The following KATNAL2 variants were observed in gnomAD, a reference collection of about 807,000 sequenced individuals.
KATNAL2 encodes the protein katanin catalytic subunit A1 like 2, also known as katanin p60 ATPase-containing subunit A-like 2.
Under a neutral mutation model 76.3 loss-of-function variants are expected in KATNAL2, and 52 were observed. The observed-to-expected ratio is 0.68, with a 90% CI of 0.55 to 0.86. KATNAL2 has a LOEUF of 0.86. Ranked by LOEUF, KATNAL2 falls within the 40% of genes least tolerant of loss-of-function variation. The pLI is 0.00. For missense variants in KATNAL2, 660 were observed against 668.9 expected (o/e 0.99, Z 0.15); for synonymous variants, 243 against 244.2 (o/e 1.00, Z 0.05).
chr18:46,924,663 T>A (rs2058673832), intron 1 of KATNAL2, among the ~76,000 whole-genome samples: 1 of 152,230 alleles, frequency 6.6e-6, no homozygotes, highest in Admixed American at 6.5e-5. Context: ...TAAATTACTT[T>A]GGGCAGTATG....
At chr18:47,037,009 A>C (rs1009711124) in intron 3 of KATNAL2, among the ~76,000 whole-genome samples, 1 of 152,254 alleles carries the variant, frequency 6.6e-6, no homozygotes, top group Non-Finnish European at 1.5e-5. Context: ...TATTAGATGC[A>C]GGGACTGTAA....
intron 13 of KATNAL2, among the ~76,000 whole-genome samples, chr18:47,073,075 T>C (rs1300378078): frequency 1.3e-5 from 2 of 152,154 alleles, no homozygotes; most frequent in Admixed American, 6.5e-5. Context: ...ACATCACCGA[T>C]TGCCAGATTA....
chr18:46,945,663 T>C (rs2059365889), intron 1 of KATNAL2, among the ~76,000 whole-genome samples: 1 of 152,248 alleles, frequency 6.6e-6, no homozygotes, highest in African/African-American at 2.4e-5. Flanking sequence ...TTTGGGCCTG[T>C]TTGCATAACT....
At chr18:46,925,223 A>G (rs1399905310) in intron 1 of KATNAL2, among the ~76,000 whole-genome samples, 2 of 152,178 alleles carry the variant, frequency 1.3e-5, no homozygotes, top group Non-Finnish European at 2.9e-5. Flanking sequence ...TGGGTTTCTC[A>G]TAGATAGCTC....
Position 47,046,932 on chromosome 18 carries a change from C to T in KATNAL2, c.122+405C>T, listed in dbSNP as rs544559054. Among the ~76,000 whole-genome samples the T allele has an allele frequency of 5.9e-5, 9 of 152,276 alleles. No homozygotes were observed. The South Asian group carries it at 1.7e-3, about 28-fold the overall frequency. Reference sequence around the variant, plus strand: ...CGATTCCTCCTCCTGCCCCAACAACCCAGACATACACTTTTTTTTTCTTTT... The same window carrying T: ...CGATTCCTCCTCCTGCCCCAACAACTCAGACATACACTTTTTTTTTCTTTT... On this transcript the variant is annotated intron_variant, in intron 4 of 17. Transcript: ENST00000683218.
chr18:47,035,488 TC>T, intron 3 of KATNAL2: 2 of 930,598 alleles, frequency 2.1e-6, no homozygotes, highest in Non-Finnish European at 3.2e-6. Context: ...CTTTTGTTCC[TC>T]GGGATGTGGA....
chr18:46,936,047 G>A (rs1214039009), intron 1 of KATNAL2, among the ~76,000 whole-genome samples: 2 of 152,158 alleles, frequency 1.3e-5, no homozygotes, highest in Non-Finnish European at 2.9e-5. Context: ...TTTCAAGTTT[G>A]TATGCACCTA....
chr18:47,031,381 T>A (rs145821453), intron 3 of KATNAL2, among the ~76,000 whole-genome samples: 12 of 152,270 alleles, frequency 7.9e-5, no homozygotes, highest in Non-Finnish European at 2.9e-5. Flanking sequence ...TTCGCGTAAT[T>A]TTTAATTTCT....
intron 2 of KATNAL2, 61 bp from the exon 3 acceptor site, chr18:46,946,793 C>G: frequency 7.1e-7 from 1 of 1,406,306 alleles, no homozygotes; most frequent in South Asian, 1.2e-5. Context: ...GCTGGTTAAG[C>G]GTCAGGTTCC....
At chr18:47,057,361 A>G (rs961150878) in intron 6 of KATNAL2, among the ~76,000 whole-genome samples, 1 of 152,218 alleles carries the variant, frequency 6.6e-6, no homozygotes, top group African/African-American at 2.4e-5. Flanking sequence ...TTCTACAGAA[A>G]AATATGGATA....
chr18:46,951,079 C>T (rs1194474300), intron 3 of KATNAL2, among the ~76,000 whole-genome samples: 1 of 152,138 alleles, frequency 6.6e-6, no homozygotes, highest in African/African-American at 2.4e-5. Context: ...TTCTCCCTGT[C>T]CCTGGCCTCC....
At chr18:47,094,019 A>G (rs1323684719) in intron 15 of KATNAL2, among the ~76,000 whole-genome samples, 3 of 152,174 alleles carry the variant, frequency 2.0e-5, no homozygotes. Context: ...TCCCCAATGC[A>G]ACAGTGTCGG....
chr18:46,941,048 T>A (rs2059232168), intron 1 of KATNAL2, among the ~76,000 whole-genome samples: 1 of 151,918 alleles, frequency 6.6e-6, no homozygotes, highest in Non-Finnish European at 1.5e-5. Flanking sequence ...CAAAAAAACT[T>A]ATGATTAAAA....
intron 15 of KATNAL2, among the ~76,000 whole-genome samples, chr18:47,091,798 G>T (rs2147368400): frequency 6.6e-6 from 1 of 152,292 alleles, no homozygotes; most frequent in East Asian, 1.9e-4. Flanking sequence ...AAGTCACTCT[G>T]GATGGGACAG....
chr18:46,943,870 C>G (rs1268807264), intron 1 of KATNAL2, among the ~76,000 whole-genome samples: 2 of 152,250 alleles, frequency 1.3e-5, no homozygotes, highest in Non-Finnish European at 2.9e-5. Flanking sequence ...CTAACATGCT[C>G]TATTTTTGTT....
rs1423369954 is a variant in KATNAL2 at position 47,056,165 on chromosome 18, C to T, written c.332+1727C>T. ...GAAATGGGATCCCAAAAGATCTTGG[C>T]AATTCCAGAGATGGGTTCAAAGTAA... On this transcript the variant is annotated intron_variant, in intron 6 of 17. Coordinates refer to ENST00000683218, the MANE Select transcript of KATNAL2 (RefSeq NM_001387690.1). Among the ~76,000 whole-genome samples, 2 of 152,126 alleles carry T rather than the reference C, an allele frequency of 1.3e-5. 1 individual carries two copies. The highest frequency in any genetic ancestry group is 2.9e-5 in the Non-Finnish European group (2 of 68,026).
rs766062290 is a variant in KATNAL2, at chr18:47,034,254, T to G, written c.52-12203T>G. On this transcript the variant is annotated intron_variant, in intron 3 of 17. Coordinates refer to ENST00000683218, the MANE Select transcript of KATNAL2 (RefSeq NM_001387690.1). ...TCTCTCGGTCGTTGGAAAGCTGCTCTTTCTCCTCGGGCGACAGGCCGTGTG... is the reference window on the plus strand; with the variant it reads ...TCTCTCGGTCGTTGGAAAGCTGCTCGTTCTCCTCGGGCGACAGGCCGTGTG... 10 of 1,614,016 alleles carry G rather than the reference T, an allele frequency of 6.2e-6. No individual in the cohort carries two copies. The South Asian group carries it at 1.1e-4, about 18-fold the overall frequency.
At chr18:47,086,567 G>A (rs757155395) in intron 15 of KATNAL2, among the ~76,000 whole-genome samples, 4 of 152,194 alleles carry the variant, frequency 2.6e-5, no homozygotes, top group African/African-American at 4.8e-5. Flanking sequence ...CACCTGCCTC[G>A]GCCTCCCAAA....
chr18:47,100,425 G>A, intron 17 of KATNAL2, 69 bp downstream of exon 17: 1 of 1,274,026 alleles, frequency 7.8e-7, no homozygotes, highest in Non-Finnish European at 1.1e-6. Flanking sequence ...AGCAGATGGA[G>A]CCTGGCGCCT....
Sources: gnomAD v4.1 joint callset for allele counts (sites outside exome capture counted in the v4.1 genomes callset) on GRCh38, gnomAD v4.1.1 for gene constraint, MANE v1.5 for transcripts, NCBI Gene and HGNC (gene_info 2026-07-23, HGNC 2026-07-21) for gene names.